Variants in HERC5 observed in about 807,000 individuals in gnomAD.
The protein encoded by HERC5 is HECT and RLD domain containing E3 ubiquitin protein ligase 5, also known as E3 ISG15--protein ligase HERC5.
HERC5 carries 99 observed loss-of-function variants against 119.6 expected under a neutral mutation model. The observed-to-expected ratio is 0.83, with a 90% CI of 0.70 to 0.98. The LOEUF is 0.98. Ranked by LOEUF, HERC5 falls within the 50% of genes least tolerant of loss-of-function variation. The pLI is 0.00. For synonymous variants in HERC5, 478 were observed against 445.9 expected (o/e 1.07, Z -0.91); for missense variants, 1,267 against 1,241.3 (o/e 1.02, Z -0.31).
chr4:88,504,511 C>T lies in HERC5; in HGVS notation c.2783C>T (p.Pro928Leu). Residue 928 changes from proline to leucine, a missense_variant, in exon 22 of 23, where the codon CCA becomes CTA. This residue lies in a region of HERC5 where 473 missense variants were observed against 445.7 expected (regional missense o/e 1.06). Coordinates refer to ENST00000264350, the MANE Select transcript of HERC5 (RefSeq NM_016323.4). ...KTFEKNARYE[P>L]GYNSSHPTIV... ...TTTCTCTAGAATGCACGTTATGAAC[C>T]AGGATATAACAGTTCACATCCCACC... The T allele has an allele frequency of 6.4e-7, 1 of 1,571,942 alleles. No homozygotes were observed. Among genetic ancestry groups the T allele is most frequent in the Non-Finnish European group, 8.6e-7 (1 of 1,160,068 alleles).
chr4:88,487,965 A>G (rs1037996354), intron 15 of HERC5, among the ~76,000 whole-genome samples: 1 of 152,230 alleles, frequency 6.6e-6, no homozygotes, highest in Non-Finnish European at 1.5e-5. Context: ...ATATGTATGT[A>G]TAATATTCAA....
At chr4:88,465,718 T>C (rs1740638479) in intron 6 of HERC5, among the ~76,000 whole-genome samples, 1 of 152,186 alleles carries the variant, frequency 6.6e-6, no homozygotes, top group South Asian at 2.1e-4. Context: ...GACAATTCAC[T>C]GGAAAGACTC....
At chr4:88,498,287 A>C (rs1741854351) in intron 18 of HERC5, among the ~76,000 whole-genome samples, 1 of 152,060 alleles carries the variant, frequency 6.6e-6, no homozygotes, top group South Asian at 2.1e-4. Flanking sequence ...CCTGAGGGAG[A>C]ATCAAAAGCA....
rs1044711442 is a variant in HERC5, at chr4:88,467,068, A to G, written c.921A>G (p.Thr307=). 3 of 1,614,016 alleles carry G rather than the reference A, an allele frequency of 1.9e-6. No homozygotes were observed. The highest frequency in any genetic ancestry group is 2.2e-5 in the East Asian group (1 of 44,884). Residue 307 remains threonine, a synonymous_variant, in exon 7 of 23, where the codon ACA becomes ACG. Coordinates refer to ENST00000264350, the MANE Select transcript of HERC5 (RefSeq NM_016323.4). ...VTQIACGRWH[T]LAYVSDLGKV... ...TGCTTTTATTTAATAGGTGGCACAC[A>G]CTTGCCTATGTTTCTGATTTGGGAA...
rs375087072 is a variant in HERC5, at chr4:88,468,380, T to C, written c.1092T>C (p.Ile364=). ...CCTCAGAAAAGGAGTTAATAATGAT[T>C]GCTGGAGGGAATCAAAGCATTTTGC... The part of the protein sequence containing the change: ...SHTSEKELIM[I]AGGNQSILLW... Residue 364 remains isoleucine, a synonymous_variant, in exon 8 of 23, where the codon ATT becomes ATC. Transcript: ENST00000264350. The C allele has an allele frequency of 1.2e-5, 20 of 1,612,074 alleles. No homozygotes were observed. The highest frequency in any genetic ancestry group is 1.7e-5 in the Non-Finnish European group (20 of 1,178,964).
intron 11 of HERC5, chr4:88,473,321 C>T (rs1740942415): frequency 1.3e-5 from 2 of 152,020 alleles, no homozygotes; most frequent in African/African-American, 4.8e-5. Flanking sequence ...TCCTTCCTCC[C>T]TCTAGCCTCA....
At chr4:88,481,060 G>A (rs189600233) in intron 13 of HERC5, among the ~76,000 whole-genome samples, 58 of 152,006 alleles carry the variant, frequency 3.8e-4, no homozygotes, top group African/African-American at 1.2e-3. Context: ...TCCCATAAAG[G>A]GTTTTGATTC....
At chr4:88,473,524 T>C (rs991818247) in intron 11 of HERC5, 1 of 152,260 alleles carries the variant, frequency 6.6e-6, no homozygotes, top group African/African-American at 2.4e-5. Flanking sequence ...TTCTCTTAAC[T>C]TTGGCAGAAC....
chr4:88,462,326 T>C lies in HERC5; in HGVS notation c.658T>C (p.Cys220Arg), dbSNP rs1285799664. ...CATTTATTCATGGGGAAAAAATGAA[T>C]GTGGACAACTAGGCCTGGGCCACAC... Reference protein sequence around the residue: ...GNIYSWGKNECGQLGLGHTES... With the variant: ...GNIYSWGKNERGQLGLGHTES... Residue 220 changes from cysteine (C) to arginine (R), a missense_variant, in exon 4 of 23, where the codon TGT (cysteine) becomes CGT (arginine). Physicochemically the swap from Cys to Arg is radical, Grantham distance 180 (BLOSUM62 -3). Transcript: ENST00000264350. The C allele has an allele frequency of 2.5e-6, 4 of 1,614,194 alleles. No homozygotes were observed. Among genetic ancestry groups the C allele is most frequent in the South Asian group, 1.1e-5 (1 of 91,084 alleles).
In HERC5 at chr4:88,479,412, A is replaced by C. The variant is rs1578054135; in HGVS notation, c.1642A>C (p.Thr548Pro). 6.2e-7 allele frequency: 1 copy of C among 1,613,516 alleles called. No homozygotes were observed. Among genetic ancestry groups the C allele is most frequent in the Non-Finnish European group, 8.5e-7 (1 of 1,179,782 alleles). Residue 548 changes from threonine to proline, a missense_variant, in exon 13 of 23, where the codon ACA (threonine) becomes CCA (proline). Coordinates refer to ENST00000264350, the MANE Select transcript of HERC5 (RefSeq NM_016323.4). Reference sequence around the variant, plus strand: ...CAGCAAACTGGTCCAGATGTTTAAAACAGCCGTCATATGCCAGTTGGATTA... The same window carrying C: ...CAGCAAACTGGTCCAGATGTTTAAACCAGCCGTCATATGCCAGTTGGATTA... ...TFSKLVQMFK[T>P]AVICQLDYWD...
At chr4:88,487,218 TGCTAAGC>T (rs1185248891) in intron 15 of HERC5, 39 bp downstream of exon 15, 3 of 1,142,464 alleles carry the variant, frequency 2.6e-6, no homozygotes, top group Admixed American at 3.6e-5. Context: ...ATAAATCACA[TGCTAAGC>T]GCCTTCTTAA....
At chr4:88,466,113 G>T (rs982752448) in intron 6 of HERC5, among the ~76,000 whole-genome samples, 1 of 150,760 alleles carries the variant, frequency 6.6e-6, no homozygotes. Flanking sequence ...TTGAGACAAG[G>T]TCTCACTCTG....
chr4:88,476,129 T>A, intron 12 of HERC5, 99 bp downstream of exon 12: 1 of 831,928 alleles, frequency 1.2e-6, no homozygotes. Flanking sequence ...AATGTATTCA[T>A]TTTTTTTTAG....
At chr4:88,470,745 G>A in intron 10 of HERC5, 72 bp downstream of exon 10, 3 of 695,228 alleles carry the variant, frequency 4.3e-6, no homozygotes, top group Admixed American at 2.8e-5. Flanking sequence ...AAAAATGATT[G>A]GAGAGTAAAA....
chr4:88,486,648 G>A (rs752033370), intron 14 of HERC5, among the ~76,000 whole-genome samples: 2 of 152,242 alleles, frequency 1.3e-5, no homozygotes, highest in Middle Eastern at 3.4e-3. Flanking sequence ...CAGTTGACCC[G>A]AAGTGTTTCT....
intron 9 of HERC5, among the ~76,000 whole-genome samples, chr4:88,470,128 T>C (rs1054174382): frequency 6.6e-6 from 1 of 152,248 alleles, no homozygotes; most frequent in Non-Finnish European, 1.5e-5. Flanking sequence ...GGAAAATGAT[T>C]GTACAAAGTA....
At chr4:88,484,736 C>T (rs1285800282) in intron 13 of HERC5, among the ~76,000 whole-genome samples, 3 of 152,142 alleles carry the variant, frequency 2.0e-5, no homozygotes, top group Non-Finnish European at 4.4e-5. Flanking sequence ...CTATGGACTC[C>T]CTAATTTGAA....
At chr4:88,495,696 C>T (rs1741776626) in intron 18 of HERC5, among the ~76,000 whole-genome samples, 1 of 152,012 alleles carries the variant, frequency 6.6e-6, no homozygotes, top group Non-Finnish European at 1.5e-5. Flanking sequence ...ATGATCTGAA[C>T]ACAGTCTGGC....
intron 8 of HERC5, among the ~76,000 whole-genome samples, chr4:88,468,654 T>C (rs1740759823): frequency 6.6e-6 from 1 of 152,210 alleles, no homozygotes; most frequent in Non-Finnish European, 1.5e-5. Context: ...TAGGCTATAC[T>C]TACCTTTTGG....
Sources: allele counts gnomAD v4.1 joint callset (sites outside exome capture counted in the v4.1 genomes callset), GRCh38; gene constraint gnomAD v4.1.1; regional missense constraint gnomAD v4.1.1; transcripts MANE v1.5; gene names NCBI Gene and HGNC (gene_info 2026-07-23, HGNC 2026-07-21).